The following CCM2 variants were observed in gnomAD, a reference collection of about 807,000 sequenced individuals.
The protein encoded by CCM2 is cerebral cavernous malformations 2 protein.
In CCM2, 25 loss-of-function variants were observed where a neutral mutation model predicts 44.9. The ratio of observed to expected loss-of-function variants is 0.56; its 90% CI spans 0.41 to 0.78. CCM2 has a LOEUF of 0.78. CCM2 is among the 30% of genes least tolerant of loss of function. The probability of loss-of-function intolerance (pLI) is 0.00; values close to 1 mark genes in which losing one functional copy is unlikely to be tolerated. For missense variants in CCM2, 481 were observed against 580.6 expected (o/e 0.83, Z 1.76); for synonymous variants, 219 against 241.1 (o/e 0.91, Z 0.85).
chr7:45,053,271 G>A (rs1288254612), intron 2 of CCM2, among the ~76,000 whole-genome samples: 1 of 152,206 alleles, frequency 6.6e-6, no homozygotes, highest in African/African-American at 2.4e-5. Flanking sequence ...GTGTGTACTT[G>A]CCTTGGTGTT....
intron 6 of CCM2, 147 bp downstream of exon 6, chr7:45,070,108 A>G (rs1239422966): frequency 1.0e-5 from 10 of 992,196 alleles, no homozygotes; most frequent in Non-Finnish European, 1.5e-5. Context: ...TGCTGTTCAC[A>G]TTAGCCCATA....
chr7:45,046,093 AACT>A, intron 2 of CCM2, among the ~76,000 whole-genome samples: 1 of 152,312 alleles, frequency 6.6e-6, no homozygotes, highest in East Asian at 1.9e-4. Flanking sequence ...GAAAAGCACA[AACT>A]ACTACTACAA....
chr7:45,076,176 C>T lies in CCM2; in HGVS notation c.*119C>T. The stretch of plus-strand genomic sequence containing the variant: ...GGTGGCCAGGGAGAGGCGCCCGGTG[C>T]AGATGGCCCCGGGCGGCCCAGGTCC... On this transcript the variant is annotated 3_prime_UTR_variant, in exon 10 of 10. Coordinates refer to ENST00000258781, the MANE Select transcript of CCM2 (RefSeq NM_031443.4). The T allele has an allele frequency of 7.0e-7, 1 of 1,430,814 alleles. No individual in the cohort carries two copies. 88.6% of individuals were successfully genotyped at this position (1,430,814 alleles called of 1,614,324 possible).
At chr7:45,023,584 CAAG>C (rs903582290) in intron 1 of CCM2, among the ~76,000 whole-genome samples, 1 of 152,086 alleles carries the variant, frequency 6.6e-6, no homozygotes, top group Non-Finnish European at 1.5e-5. Flanking sequence ...CAACAAAACA[CAAG>C]AAAACCCCAC....
chr7:45,022,960 C>T lies in CCM2; in HGVS notation c.31-15293C>T, dbSNP rs184140398. ...TTCACCATGTTGACCAGGTTGGTCTCGAACTCCTGAGCTCAAGTGATCCAC... is the reference window on the plus strand; with the variant it reads ...TTCACCATGTTGACCAGGTTGGTCTTGAACTCCTGAGCTCAAGTGATCCAC... On this transcript the variant is annotated intron_variant, in intron 1 of 9. Transcript: ENST00000258781. Among the ~76,000 whole-genome samples, 105 of 151,772 alleles carry T rather than the reference C, an allele frequency of 6.9e-4. 1 individual carries two copies. The highest frequency in any genetic ancestry group is 8.8e-4 in the Non-Finnish European group (60 of 67,894).
chr7:45,024,149 T>TA (rs1583869223), intron 1 of CCM2, among the ~76,000 whole-genome samples: 1 of 152,226 alleles, frequency 6.6e-6, no homozygotes, highest in Non-Finnish European at 1.5e-5. Flanking sequence ...GTGTTTTCCT[T>TA]ACACCTAAAG....
In CCM2 at chr7:45,000,293, C is replaced by G. The variant is rs890443174; in HGVS notation, c.-41C>G. ...TAGCGGCTGCTGGCGGCGGGGCTCCCGGGGCGGGCCGGGCGGGCCGCGGGA... is the reference window on the plus strand; with the variant it reads ...TAGCGGCTGCTGGCGGCGGGGCTCCGGGGGCGGGCCGGGCGGGCCGCGGGA... On this transcript the variant is annotated 5_prime_UTR_variant, in exon 1 of 10. Coordinates refer to ENST00000258781, the MANE Select transcript of CCM2 (RefSeq NM_031443.4). 8.8e-5 allele frequency: 102 copies of G among 1,154,232 alleles called. No individual in the cohort carries two copies. The highest frequency in any genetic ancestry group is 1.0e-4 in the Non-Finnish European group (95 of 936,488). 71.5% of individuals were successfully genotyped at this position (1,154,232 alleles called of 1,614,324 possible).
intron 1 of CCM2, among the ~76,000 whole-genome samples, chr7:45,033,545 T>C (rs1797067104): frequency 6.6e-6 from 1 of 152,194 alleles, no homozygotes; most frequent in Non-Finnish European, 1.5e-5. Flanking sequence ...CAGAGCTCAG[T>C]CACTGTCCAT....
intron 1 of CCM2, chr7:45,027,836 G>A: frequency 6.2e-7 from 1 of 1,607,548 alleles, no homozygotes. Flanking sequence ...CATTTAGAAT[G>A]ATGATGGTGT....
At chr7:45,015,567 C>T (rs1796232727) in intron 1 of CCM2, among the ~76,000 whole-genome samples, 3 of 152,216 alleles carry the variant, frequency 2.0e-5, no homozygotes, top group African/African-American at 7.2e-5. Flanking sequence ...CAACATGTTC[C>T]TGTGCCTTGC....
chr7:45,055,455 A>G (rs542297070), intron 2 of CCM2, among the ~76,000 whole-genome samples: 100 of 152,230 alleles, frequency 6.6e-4, no homozygotes, highest in African/African-American at 2.1e-3. Flanking sequence ...TTGGGAGGCT[A>G]AGGCGGGTGG....
At chr7:44,999,812 GC>G (rs1348495717), upstream of CCM2, 1 of 293,350 alleles carries the variant, frequency 3.4e-6, no homozygotes, top group Non-Finnish European at 6.5e-6. Context: ...TCCCGCGCGC[GC>G]TCCCGCGCGC....
chr7:45,014,787 A>G (rs112254334), intron 1 of CCM2, among the ~76,000 whole-genome samples: 3,191 of 151,472 alleles, frequency 0.021, 112 homozygotes, highest in African/African-American at 0.073. Flanking sequence ...AAGCCTGTCT[A>G]ATTTTTGAAT....
At chr7:45,072,966 T>G in intron 7 of CCM2, 183 bp downstream of exon 7, 1 of 679,384 alleles carries the variant, frequency 1.5e-6, no homozygotes. Flanking sequence ...CCTCGTAGAC[T>G]TCTAGAGCCC....
chr7:45,017,557 T>C (rs1796315314), intron 1 of CCM2, among the ~76,000 whole-genome samples: 1 of 152,096 alleles, frequency 6.6e-6, no homozygotes, highest in South Asian at 2.1e-4. Context: ...GAGTTGATCT[T>C]GAAGAGTCAG....
At chr7:45,014,483 A>C (rs527425434) in intron 1 of CCM2, among the ~76,000 whole-genome samples, 100 of 151,876 alleles carry the variant, frequency 6.6e-4, no homozygotes, top group African/African-American at 2.2e-3. Context: ...GCATAACAAA[A>C]TTTACTATCT....
chr7:45,018,239 G>T (rs12667775), intron 1 of CCM2, among the ~76,000 whole-genome samples: 4 of 152,120 alleles, frequency 2.6e-5, no homozygotes, highest in East Asian at 3.9e-4. Flanking sequence ...TGCTGTGTGC[G>T]GCCTGGCTCC....
intron 2 of CCM2, among the ~76,000 whole-genome samples, chr7:45,047,810 T>C (rs1022837552): frequency 6.6e-6 from 1 of 152,208 alleles, no homozygotes; most frequent in Non-Finnish European, 1.5e-5. Context: ...GCTGTAGTTC[T>C]GCAAGATGTC....
rs144401535 is a variant in CCM2 at position 45,075,739 on chromosome 7, G to A, written c.1055-38G>A. ...AGAGAAGAGCTGAGTGGGCTGAGCC[G>A]AACTGGAGGTGCCATGCTGGGTGTT... On this transcript the variant is annotated intron_variant, in intron 9 of 9. Transcript: ENST00000258781. 1.2e-4 allele frequency: 197 copies of A among 1,612,972 alleles called. No individual in the cohort carries two copies. In the African/African-American group the frequency reaches 1.9e-3, roughly 15 times the overall value.
Sources: allele counts gnomAD v4.1 joint callset (sites outside exome capture counted in the v4.1 genomes callset), GRCh38; gene constraint gnomAD v4.1.1; transcripts MANE v1.5; gene names NCBI Gene and HGNC (gene_info 2026-07-23, HGNC 2026-07-21).